The following SETX variants were observed in gnomAD, a reference collection of about 807,000 sequenced individuals.
SETX encodes the protein senataxin.
In SETX, 90 loss-of-function variants were observed where a neutral mutation model predicts 227.2. The observed-to-expected ratio is 0.40, with a 90% CI of 0.33 to 0.47. The LOEUF (loss-of-function observed/expected upper bound fraction) is 0.47. Among genes scored for constraint, SETX ranks in the 20% least tolerant of loss-of-function variants. The probability of loss-of-function intolerance (pLI) is 0.91; values close to 1 mark genes in which losing one functional copy is unlikely to be tolerated. For synonymous variants in SETX, 1,210 were observed against 1,113.2 expected, an observed-to-expected ratio of 1.09 and a Z score of -1.73; for missense variants, 3,052 against 3,181.5, an observed-to-expected ratio of 0.96 and a Z score of 0.98.
At chr9:132,339,571 GAATGAT>G (rs1170775466) in intron 5 of SETX, among the ~76,000 whole-genome samples, 1 of 152,154 alleles carries the variant, frequency 6.6e-6, no homozygotes, top group Non-Finnish European at 1.5e-5. Context: ...TTGTCATTAT[GAATGAT>G]AATAAGGTAG....
chr9:132,284,414 T>C (rs1843718005), intron 18 of SETX, among the ~76,000 whole-genome samples: 2 of 152,186 alleles, frequency 1.3e-5, no homozygotes, highest in African/African-American at 4.8e-5. Flanking sequence ...TCAACTATAT[T>C]TTAGTCACAT....
At position 132,327,491 on chromosome 9, in the gene SETX, T is replaced by G. The variant is rs1463426948; in HGVS notation, c.4107A>C (p.Glu1369Asp). 1 of 1,614,170 alleles carries G rather than the reference T, an allele frequency of 6.2e-7. No homozygotes were observed. Among genetic ancestry groups the G allele is most frequent in the East Asian group, 2.2e-5 (1 of 44,894 alleles). Residue 1369 changes from glutamate (E) to aspartate (D), a missense_variant, in exon 10 of 26, where the codon GAA becomes GAC. This residue lies in a region of SETX where 1,483 missense variants were observed against 1,312.0 expected (regional missense o/e 1.13). Transcript: ENST00000224140. Reference sequence around the variant, plus strand: ...ACCCTGCTCTTTTAACATCTGTACTTTCACAATCAGAAAGTCTTCGTCTAT... The same window carrying G: ...ACCCTGCTCTTTTAACATCTGTACTGTCACAATCAGAAAGTCTTCGTCTAT... ...QKNRRRLSDCESTDVKRAGSH... is the reference protein window; with the variant it reads ...QKNRRRLSDCDSTDVKRAGSH...
chr9:132,336,557 G>A (rs931007949), intron 5 of SETX, 42 bp from the exon 6 acceptor site: 1 of 1,385,384 alleles, frequency 7.2e-7, no homozygotes, highest in African/African-American at 1.4e-5. Context: ...AATAAACAAT[G>A]GTCTACAAAC....
chr9:132,324,356 C>T (rs1409109482), intron 10 of SETX, among the ~76,000 whole-genome samples: 3 of 152,186 alleles, frequency 2.0e-5, no homozygotes, highest in Non-Finnish European at 4.4e-5. Context: ...GATACGTTCA[C>T]TCAAGCTTTA....
chr9:132,318,032 A>C (rs1846092886), intron 10 of SETX, among the ~76,000 whole-genome samples: 1 of 151,862 alleles, frequency 6.6e-6, no homozygotes, highest in African/African-American at 2.4e-5. Flanking sequence ...ACACTTCTCT[A>C]TCCACTTTAT....
chr9:132,325,122 C>T lies in SETX; in HGVS notation c.5274+1202G>A, dbSNP rs189659378. ...CTGTAATCCCAGCACTTTGGGAGGC[C>T]AAGGCGGGCAGATCACAAGGTCAGG... is the stretch of plus-strand genomic sequence containing the variant. On this transcript the variant is annotated intron_variant, in intron 10 of 25. Transcript: ENST00000224140. Among the ~76,000 whole-genome samples the T allele has an allele frequency of 1.5e-3, 234 of 152,220 alleles. 1 individual carries two copies. Among genetic ancestry groups the T allele is most frequent in the African/African-American group, 5.3e-3 (221 of 41,538 alleles).
At position 132,329,365 on chromosome 9, in the gene SETX, G is replaced by A. The variant is rs780121182; in HGVS notation, c.2233C>T (p.Arg745Cys). Residue 745 changes from arginine to cysteine, a missense_variant, in exon 10 of 26, where the codon CGT (arginine) becomes TGT (cysteine). By Grantham distance (180) the Arg-to-Cys change is radical. Around this residue, in one of 10 missense-constraint regions of SETX, gnomAD observed 1,483 missense variants for 1,312.0 expected, o/e 1.13. Transcript: ENST00000224140. ...TCAGTGCTAGAATCAGTCAACAAAC[G>A]TGTTGATACTATTATTCCTCTGTCA... ...GCDRGIIVST[R>C]LLTDSSTDAL... 67 of 1,613,822 alleles carry A rather than the reference G, an allele frequency of 4.2e-5. No individual in the cohort carries two copies. Among genetic ancestry groups the A allele is most frequent in the South Asian group, 1.8e-4 (16 of 91,082 alleles).
chr9:132,285,878 CAA>C (rs35343871), intron 18 of SETX, among the ~76,000 whole-genome samples: 3 of 106,312 alleles, frequency 2.8e-5, no homozygotes, highest in Admixed American at 1.0e-4. Context: ...GACTCTGTCT[CAA>C]AAAAAAAAAA....
chr9:132,272,573 T>TC (rs1842954708), intron 23 of SETX, among the ~76,000 whole-genome samples: 1 of 152,002 alleles, frequency 6.6e-6, no homozygotes, highest in Non-Finnish European at 1.5e-5. Context: ...TGCCTCAGCC[T>TC]CCCAAGGAGA....
In SETX at chr9:132,277,063, T is replaced by C. The variant is rs1319064029; in HGVS notation, c.6932A>G (p.Asn2311Ser). 3 of 1,613,372 alleles carry C rather than the reference T, an allele frequency of 1.9e-6. No individual in the cohort carries two copies. Among genetic ancestry groups the C allele is most frequent in the East Asian group, 2.2e-5 (1 of 44,868 alleles). ...DVGDGSERRD[N>S]DSYINVQEIK... ...CTGAGGCAAGAGGAAAACATACTCA[T>C]TATCCCGTCTTTCTGAACCATCTCC... Residue 2311 changes from asparagine (N) to serine (S), a missense_variant, in exon 22 of 26, where the codon AAT (asparagine) becomes AGT (serine). Physicochemically the swap from Asn to Ser is conservative, Grantham distance 46. Around this residue, in one of 10 missense-constraint regions of SETX, gnomAD observed 412 missense variants for 589.0 expected, o/e 0.70. Coordinates refer to ENST00000224140, the MANE Select transcript of SETX (RefSeq NM_015046.7).
At chr9:132,293,897 G>A (rs963960821) in intron 15 of SETX, among the ~76,000 whole-genome samples, 6 of 151,976 alleles carry the variant, frequency 3.9e-5, no homozygotes, top group East Asian at 1.9e-4. Context: ...TGTGGCGGGC[G>A]CCTATAGTCC....
At chr9:132,313,071 G>A (rs925585945) in intron 10 of SETX, among the ~76,000 whole-genome samples, 3 of 152,052 alleles carry the variant, frequency 2.0e-5, no homozygotes, top group South Asian at 2.1e-4. Context: ...TGTTTGACTC[G>A]GGCTAGTGGT....
intron 2 of SETX, among the ~76,000 whole-genome samples, chr9:132,352,142 A>AC (rs1301447661): frequency 2.0e-5 from 3 of 151,852 alleles, no homozygotes; most frequent in Non-Finnish European, 2.9e-5. Flanking sequence ...CTACCCTTAC[A>AC]CTCCACTGAA....
intron 4 of SETX, among the ~76,000 whole-genome samples, chr9:132,345,989 G>A (rs577652533): frequency 1.3e-5 from 2 of 152,092 alleles, no homozygotes; most frequent in South Asian, 4.1e-4. Context: ...ACTGCACTTC[G>A]GCCTAGGAGA....
At chr9:132,277,799 A>G (rs1320994353) in intron 21 of SETX, among the ~76,000 whole-genome samples, 1 of 110,878 alleles carries the variant, frequency 9.0e-6, no homozygotes, top group Non-Finnish European at 1.6e-5. Flanking sequence ...CAAAAAAAAA[A>G]AAAAAAAAAA....
At position 132,346,272 on chromosome 9, in the gene SETX, T is replaced by C. The variant is rs368932301; in HGVS notation, c.377A>G (p.His126Arg). ...EILKYPYLLL[H>R]ERVNELCVEA... ...ATCAAGATACTCACTAACACGTTCATGTAGAAGCAAGTAAGGATATTTCAG... is the reference window on the plus strand; with the variant it reads ...ATCAAGATACTCACTAACACGTTCACGTAGAAGCAAGTAAGGATATTTCAG... Residue 126 changes from histidine (H) to arginine (R), a missense_variant, in exon 4 of 26, where the codon CAT becomes CGT. Around this residue, in one of 10 missense-constraint regions of SETX, gnomAD observed 152 missense variants for 156.2 expected, o/e 0.97. Coordinates refer to ENST00000224140, the MANE Select transcript of SETX (RefSeq NM_015046.7). 134 of 1,612,968 alleles carry C rather than the reference T, an allele frequency of 8.3e-5. No homozygotes were observed. Among genetic ancestry groups the C allele is most frequent in the Non-Finnish European group, 1.1e-4 (124 of 1,179,142 alleles).
At chr9:132,313,862 T>C (rs1174782653) in intron 10 of SETX, among the ~76,000 whole-genome samples, 1 of 150,670 alleles carries the variant, frequency 6.6e-6, no homozygotes, top group East Asian at 1.9e-4. Context: ...ACAAGCTCCC[T>C]GAACATAAGA....
chr9:132,348,381 A>AC lies in SETX; in HGVS notation c.177+870_177+871insG, dbSNP rs1463344545. ...CTGTCTCAAAAAAAAAACAAAACAAAAAAAAAACAACCCACTAACAAAAAC... is the reference window on the plus strand; with the variant it reads ...CTGTCTCAAAAAAAAAACAAAACAAACAAAAAAACAACCCACTAACAAAAAC... On this transcript the variant is annotated intron_variant, in intron 3 of 25. Transcript: ENST00000224140. Among the ~76,000 whole-genome samples the AC allele has an allele frequency of 4.0e-3, 578 of 143,016 alleles. 16 individuals carry two copies. Among genetic ancestry groups the AC allele is most frequent in the African/African-American group, 0.014 (555 of 39,186 alleles). The allele number at this position is 143,016 out of a possible 152,430, so 93.8% of individuals were successfully genotyped here. A position where few individuals can be genotyped will look rare whatever the true frequency, so the allele number is the denominator to read the frequency against.
At chr9:132,286,534 AG>A (rs1843910087) in intron 17 of SETX, 40 bp from the exon 18 acceptor site, 1 of 1,445,954 alleles carries the variant, frequency 6.9e-7, no homozygotes, top group African/African-American at 1.4e-5. Flanking sequence ...AACTAAACTA[AG>A]CATTTTTAAA....
Sources: allele counts gnomAD v4.1 joint callset (sites outside exome capture counted in the v4.1 genomes callset), GRCh38; gene constraint gnomAD v4.1.1; regional missense constraint gnomAD v4.1.1; transcripts MANE v1.5; gene names NCBI Gene and HGNC (gene_info 2026-07-23, HGNC 2026-07-21).